Variants in BTBD9 observed in about 807,000 individuals in gnomAD.
BTBD9 encodes the protein BTB/POZ domain-containing protein 9.
In BTBD9, 49 loss-of-function variants were observed where a neutral mutation model predicts 64.3. That is an observed-to-expected ratio of 0.76 (90% CI 0.61 to 0.97). BTBD9 has a LOEUF of 0.97. Ranked by LOEUF, BTBD9 falls within the 50% of genes least tolerant of loss-of-function variation. The pLI is 0.00. For missense variants in BTBD9, 598 were observed against 762.1 expected, an observed-to-expected ratio of 0.78 and a Z score of 2.53; for synonymous variants, 260 against 274.7, an observed-to-expected ratio of 0.95 and a Z score of 0.53.
At chr6:38,261,862 G>A (rs1258704512) in intron 8 of BTBD9, among the ~76,000 whole-genome samples, 1 of 152,180 alleles carries the variant, frequency 6.6e-6, no homozygotes, top group African/African-American at 2.4e-5. Flanking sequence ...TCAGGTCATC[G>A]AGCCTAGGGC....
intron 6 of BTBD9, among the ~76,000 whole-genome samples, chr6:38,550,786 C>A (rs1317441784): frequency 2.6e-5 from 4 of 152,182 alleles, no homozygotes; most frequent in Non-Finnish European, 4.4e-5. Flanking sequence ...CCTTATACAA[C>A]CTATGGTCTA....
chr6:38,179,257 A>G (rs1481118105), intron 10 of BTBD9: 2 of 344,822 alleles, frequency 5.8e-6, no homozygotes, highest in Non-Finnish European at 1.2e-5. Context: ...AAAAATCTAG[A>G]TGACAACAAA....
chr6:38,499,741 T>C (rs1265140653), intron 6 of BTBD9, among the ~76,000 whole-genome samples: 1 of 152,186 alleles, frequency 6.6e-6, no homozygotes, highest in African/African-American at 2.4e-5. Flanking sequence ...ATAGATTATT[T>C]CCCTCGTTTG....
chr6:38,586,705 T>C (rs1354876925), intron 4 of BTBD9, among the ~76,000 whole-genome samples: 1 of 152,234 alleles, frequency 6.6e-6, no homozygotes, highest in Non-Finnish European at 1.5e-5. Context: ...TGAAATTTTA[T>C]ATCCTTTTTT....
At chr6:38,216,002 G>A (rs1406636524) in intron 9 of BTBD9, among the ~76,000 whole-genome samples, 1 of 152,128 alleles carries the variant, frequency 6.6e-6, no homozygotes. Flanking sequence ...ATCAATTTTC[G>A]GGTTCTGAGG....
At position 38,447,107 on chromosome 6, in the gene BTBD9, G is replaced by T. The variant is rs182795299; in HGVS notation, c.1155-102014C>A. Among the ~76,000 whole-genome samples, 7 of 152,244 alleles carry T rather than the reference G, an allele frequency of 4.6e-5. No individual in the cohort carries two copies. The East Asian group carries it at 1.3e-3, about 29-fold the overall frequency. On this transcript the variant is annotated intron_variant, in intron 6 of 10. Transcript: ENST00000481247. ...GCTTAGATTTTTGCAAAGAGTACTT[G>T]ACCACAGTATTTGTTGTTTAGCAAG...
intron 1 of BTBD9, among the ~76,000 whole-genome samples, chr6:38,600,571 A>T (rs977014207): frequency 6.6e-6 from 1 of 152,130 alleles, no homozygotes; most frequent in African/African-American, 2.4e-5. Flanking sequence ...TATTTCAATG[A>T]TCGTGCATGA....
At chr6:38,524,108 C>T (rs1027931710) in intron 6 of BTBD9, among the ~76,000 whole-genome samples, 29 of 151,686 alleles carry the variant, frequency 1.9e-4, no homozygotes, top group African/African-American at 2.7e-4. Context: ...TTGATTTCTC[C>T]GCAATTACTA....
At chr6:38,576,806 A>G (rs775036087) in intron 6 of BTBD9, among the ~76,000 whole-genome samples, 18 of 152,232 alleles carry the variant, frequency 1.2e-4, no homozygotes, top group Non-Finnish European at 1.8e-4. Flanking sequence ...AAAACACAGC[A>G]GAAAAAAGCA....
At chr6:38,360,166 G>T (rs1226938994) in intron 6 of BTBD9, among the ~76,000 whole-genome samples, 4 of 152,094 alleles carry the variant, frequency 2.6e-5, no homozygotes, top group African/African-American at 9.7e-5. Flanking sequence ...AGAGCAATTT[G>T]GTTTTGGTTT....
rs569237536 is a variant in BTBD9, at chr6:38,373,099, A to G, written c.1155-28006T>C. Among the ~76,000 whole-genome samples, 5 of 152,300 alleles carry G rather than the reference A, an allele frequency of 3.3e-5. No homozygotes were observed. In the South Asian group the frequency reaches 1.0e-3, roughly 32 times the overall value. ...TAGAGACCACTATTTGACAAGGACC[A>G]TGGTCCTTGGTAGATACATATTCAC... On this transcript the variant is annotated intron_variant, in intron 6 of 10. Transcript: ENST00000481247.
chr6:38,544,954 A>G (rs1044625498), intron 6 of BTBD9, among the ~76,000 whole-genome samples: 7 of 137,532 alleles, frequency 5.1e-5, no homozygotes, highest in East Asian at 2.1e-4. Context: ...AAAAAAAAAA[A>G]AAGAAGACTG....
intron 6 of BTBD9, among the ~76,000 whole-genome samples, chr6:38,431,394 T>A (rs1768432609): frequency 6.6e-6 from 1 of 152,228 alleles, no homozygotes; most frequent in African/African-American, 2.4e-5. Context: ...AATTTTCATG[T>A]AAACCATATA....
At chr6:38,295,916 G>A (rs962527680) in intron 7 of BTBD9, among the ~76,000 whole-genome samples, 2 of 152,030 alleles carry the variant, frequency 1.3e-5, no homozygotes, top group African/African-American at 4.8e-5. Context: ...GGGTGTGATG[G>A]TGCATGCCTG....
At chr6:38,545,311 G>C (rs1227368124) in intron 6 of BTBD9, among the ~76,000 whole-genome samples, 1 of 152,102 alleles carries the variant, frequency 6.6e-6, no homozygotes. Context: ...GGCTGGTCTT[G>C]ATCTCTTGAC....
intron 9 of BTBD9, 42 bp downstream of exon 9, chr6:38,256,367 G>A (rs747137284): frequency 3.5e-6 from 5 of 1,444,130 alleles, no homozygotes; most frequent in Non-Finnish European, 4.9e-6. Flanking sequence ...TGGGAAGACT[G>A]TCTTTTCAAT....
chr6:38,271,977 G>A (rs1765212243), intron 8 of BTBD9, among the ~76,000 whole-genome samples: 1 of 151,872 alleles, frequency 6.6e-6, no homozygotes, highest in Non-Finnish European at 1.5e-5. Context: ...AAAATGTGGG[G>A]GGAGGGGGGG....
At chr6:38,535,086 T>A (rs1773964293) in intron 6 of BTBD9, among the ~76,000 whole-genome samples, 1 of 152,100 alleles carries the variant, frequency 6.6e-6, no homozygotes, top group South Asian at 2.1e-4. Flanking sequence ...TATCCTTGTT[T>A]GAAGAGGATA....
At chr6:38,595,025 C>T (rs901711350) in intron 2 of BTBD9, among the ~76,000 whole-genome samples, 7 of 152,140 alleles carry the variant, frequency 4.6e-5, no homozygotes, top group Non-Finnish European at 8.8e-5. Flanking sequence ...CTGTGATATA[C>T]GCATTCTATG....
Sources: gnomAD v4.1 joint callset for allele counts (sites outside exome capture counted in the v4.1 genomes callset) on GRCh38, gnomAD v4.1.1 for gene constraint, MANE v1.5 for transcripts, NCBI Gene and HGNC (gene_info 2026-07-23, HGNC 2026-07-21) for gene names.